SLC24A3: variants seen among roughly 807,000 people sequenced by gnomAD.
The protein encoded by SLC24A3 is sodium/potassium/calcium exchanger 3.
A neutral mutation model predicts 75.8 loss-of-function variants in SLC24A3; 28 were observed. The observed-to-expected ratio is 0.37, with a 90% CI of 0.27 to 0.51. The LOEUF (loss-of-function observed/expected upper bound fraction) is 0.51, where lower values mean the gene tolerates loss of function less well. Among genes scored for constraint, SLC24A3 ranks in the 20% least tolerant of loss-of-function variants. SLC24A3 has a pLI of 0.94. For synonymous variants in SLC24A3, 372 were observed against 334.1 expected, an observed-to-expected ratio of 1.11 and a Z score of -1.24; for missense variants, 663 against 847.8, an observed-to-expected ratio of 0.78 and a Z score of 2.71.
intron 2 of SLC24A3, among the ~76,000 whole-genome samples, chr20:19,476,162 G>C (rs1039505985): frequency 1.3e-5 from 2 of 152,194 alleles, no homozygotes; most frequent in African/African-American, 2.4e-5. Flanking sequence ...TGTCTTCCTT[G>C]CTGGTGTTGC....
intron 2 of SLC24A3, among the ~76,000 whole-genome samples, chr20:19,406,182 GTGTGT>G (rs1986640965): frequency 8.8e-6 from 1 of 113,926 alleles, no homozygotes; most frequent in African/African-American, 4.4e-5. Flanking sequence ...TTTAAAGATG[GTGTGT>G]GTGTGTGTGT....
At chr20:19,220,579 T>TA (rs1981679908) in intron 1 of SLC24A3, among the ~76,000 whole-genome samples, 1 of 152,228 alleles carries the variant, frequency 6.6e-6, no homozygotes, top group Non-Finnish European at 1.5e-5. Context: ...GATTTGGACT[T>TA]TTAGAGCATC....
At chr20:19,367,011 T>G (rs1441234399) in intron 2 of SLC24A3, among the ~76,000 whole-genome samples, 1 of 152,230 alleles carries the variant, frequency 6.6e-6, no homozygotes, top group Non-Finnish European at 1.5e-5. Flanking sequence ...AAGAACCTAT[T>G]GTGATGGCGG....
At chr20:19,299,243 G>A (rs527959060) in intron 2 of SLC24A3, among the ~76,000 whole-genome samples, 9 of 144,334 alleles carry the variant, frequency 6.2e-5, no homozygotes, top group African/African-American at 1.9e-4. Flanking sequence ...GCTAAGTCCC[G>A]GCACTCAACC....
At chr20:19,330,856 G>T (rs1183358676) in intron 2 of SLC24A3, among the ~76,000 whole-genome samples, 1 of 152,220 alleles carries the variant, frequency 6.6e-6, no homozygotes, top group Non-Finnish European at 1.5e-5. Context: ...TCACCAAGGA[G>T]ACCGATGGTC....
At chr20:19,326,848 A>T (rs2122286407) in intron 2 of SLC24A3, among the ~76,000 whole-genome samples, 1 of 152,180 alleles carries the variant, frequency 6.6e-6, no homozygotes, top group African/African-American at 2.4e-5. Flanking sequence ...CTCCTAAAGT[A>T]TGTTGTCCTT....
chr20:19,585,506 C>T lies in SLC24A3; in HGVS notation c.574C>T (p.Leu192=), dbSNP rs2060497067. The part of the protein sequence containing the change: ...TIVGSAVFNI[L]CIIGVCGLFA... ...CGTGGGCTCAGCGGTATTCAACATCCTGTGCATCATTGGTGTCTGTGGGCT... is the reference window on the plus strand; with the variant it reads ...CGTGGGCTCAGCGGTATTCAACATCTTGTGCATCATTGGTGTCTGTGGGCT... Residue 192 remains leucine (L), a synonymous_variant, in exon 6 of 17, where the codon CTG becomes TTG. Coordinates refer to ENST00000328041, the MANE Select transcript of SLC24A3 (RefSeq NM_020689.4). 5 of 1,614,188 alleles carry T rather than the reference C, an allele frequency of 3.1e-6. No individual in the cohort carries two copies. Among genetic ancestry groups the T allele is most frequent in the Non-Finnish European group, 4.2e-6 (5 of 1,180,038 alleles).
intron 3 of SLC24A3, among the ~76,000 whole-genome samples, chr20:19,574,349 T>G (rs2031098333): frequency 6.6e-6 from 1 of 152,256 alleles, no homozygotes; most frequent in South Asian, 2.1e-4. Context: ...ATCTGTTACC[T>G]GTACATCAAA....
chr20:19,710,193 ATTTGTTGGTTGGGTCAAGCTGACCAC>A, intron 15 of SLC24A3, among the ~76,000 whole-genome samples: 1 of 152,226 alleles, frequency 6.6e-6, no homozygotes, highest in Non-Finnish European at 1.5e-5. Flanking sequence ...TCCTAAAGGA[ATTTGTTGGTTGGGTCAAGCTGACCAC>A]AAACTAGAGA....
At chr20:19,351,037 C>T (rs1348225616) in intron 2 of SLC24A3, among the ~76,000 whole-genome samples, 1 of 152,192 alleles carries the variant, frequency 6.6e-6, no homozygotes, top group Non-Finnish European at 1.5e-5. Context: ...ATTGACATTA[C>T]CTGTCCTTAG....
intron 1 of SLC24A3, among the ~76,000 whole-genome samples, chr20:19,214,698 C>A (rs1014524576): frequency 6.6e-6 from 1 of 152,160 alleles, no homozygotes; most frequent in Non-Finnish European, 1.5e-5. Context: ...AGACACTCTG[C>A]AAACTTGAAA....
At chr20:19,302,096 T>G (rs530944754) in intron 2 of SLC24A3, among the ~76,000 whole-genome samples, 2 of 152,210 alleles carry the variant, frequency 1.3e-5, no homozygotes, top group African/African-American at 4.8e-5. Flanking sequence ...GGGTAGGACA[T>G]ACAGGAGTTA....
chr20:19,453,382 G>A (rs1987524679), intron 2 of SLC24A3, among the ~76,000 whole-genome samples: 1 of 152,154 alleles, frequency 6.6e-6, no homozygotes, highest in African/African-American at 2.4e-5. Flanking sequence ...TATGGCTTTG[G>A]TGGGAGGATT....
At chr20:19,649,310 G>C (rs1468449420) in intron 6 of SLC24A3, among the ~76,000 whole-genome samples, 1 of 152,212 alleles carries the variant, frequency 6.6e-6, no homozygotes, top group Non-Finnish European at 1.5e-5. Context: ...CCCAGAAGAC[G>C]AGGGTATTCA....
intron 3 of SLC24A3, among the ~76,000 whole-genome samples, chr20:19,541,754 G>A (rs923731259): frequency 5.9e-5 from 9 of 152,206 alleles, no homozygotes; most frequent in Admixed American, 1.3e-4. Context: ...AGGGAAATGT[G>A]CTTCCCAGTT....
intron 1 of SLC24A3, among the ~76,000 whole-genome samples, chr20:19,215,670 C>T (rs1311440793): frequency 6.6e-6 from 1 of 152,040 alleles, no homozygotes; most frequent in African/African-American, 2.4e-5. Flanking sequence ...CTTAAAATGA[C>T]AGTTCTTTTA....
chr20:19,425,229 G>A (rs1986985526), intron 2 of SLC24A3, among the ~76,000 whole-genome samples: 1 of 151,972 alleles, frequency 6.6e-6, no homozygotes, highest in Non-Finnish European at 1.5e-5. Context: ...CTTGAACCTG[G>A]GAGGCGGAGG....
At chr20:19,280,646 A>G (rs547293269) in intron 1 of SLC24A3, among the ~76,000 whole-genome samples, 12 of 152,324 alleles carry the variant, frequency 7.9e-5, no homozygotes, top group Admixed American at 2.6e-4. Flanking sequence ...ATTTCTCAGC[A>G]TGTCACTGGG....
chr20:19,682,139 C>T, intron 10 of SLC24A3, 148 bp downstream of exon 10: 1 of 903,300 alleles, frequency 1.1e-6, no homozygotes, highest in Non-Finnish European at 1.6e-6. Flanking sequence ...CCTGTAATCC[C>T]AGCTGCATGG....
Sources: gnomAD v4.1 joint callset for allele counts (sites outside exome capture counted in the v4.1 genomes callset) on GRCh38, gnomAD v4.1.1 for gene constraint, MANE v1.5 for transcripts, NCBI Gene and HGNC (gene_info 2026-07-23, HGNC 2026-07-21) for gene names.